The following NQO1 variants were observed in gnomAD, a reference collection of about 807,000 sequenced individuals.
The protein encoded by NQO1 is NAD(P)H dehydrogenase [quinone] 1.
NQO1 carries 30 observed loss-of-function variants against 32.1 expected under a neutral mutation model. The observed-to-expected ratio is 0.94, with a 90% CI of 0.70 to 1.27. The LOEUF (loss-of-function observed/expected upper bound fraction) is 1.27. Ranked by LOEUF, NQO1 falls within the 50% of genes most tolerant of loss-of-function variation. NQO1 has a pLI of 0.00. For missense variants in NQO1, 276 were observed against 331.3 expected (o/e 0.83, Z 1.30); for synonymous variants, 109 against 119.7 (o/e 0.91, Z 0.59).
At chr16:69,713,685 C>G (rs1366271102) in intron 4 of NQO1, among the ~76,000 whole-genome samples, 2 of 151,640 alleles carry the variant, frequency 1.3e-5, no homozygotes, top group Non-Finnish European at 2.9e-5. Flanking sequence ...TTCTCTGGAG[C>G]GTTTTATTTT....
chr16:69,722,848 C>G (rs1423926666), intron 1 of NQO1, among the ~76,000 whole-genome samples: 2 of 152,212 alleles, frequency 1.3e-5, no homozygotes, highest in Non-Finnish European at 2.9e-5. Flanking sequence ...TGAGCATATT[C>G]AGCTCTAACA....
intron 4 of NQO1, 93 bp downstream of exon 4, chr16:69,714,871 C>G (rs751174647): frequency 1.2e-6 from 1 of 869,304 alleles, no homozygotes; most frequent in Non-Finnish European, 1.9e-6. Flanking sequence ...AAGAGGGAAG[C>G]TCCATCTCAA....
In NQO1 at chr16:69,710,957, A is replaced by G. The variant is rs777630346; in HGVS notation, c.*19T>C. The stretch of plus-strand genomic sequence containing the variant: ...CCAGATTTGATAACATGTTAGAAGG[A>G]AATCCAGGCTAAGGAATCTCATTTT... On this transcript the variant is annotated 3_prime_UTR_variant, in exon 6 of 6. Transcript: ENST00000320623. 1 of 1,596,756 alleles carries G rather than the reference A, an allele frequency of 6.3e-7. No individual in the cohort carries two copies. Among genetic ancestry groups the G allele is most frequent in the Non-Finnish European group, 8.5e-7 (1 of 1,170,988 alleles).
chr16:69,718,226 T>TGAAA lies in NQO1; in HGVS notation c.196_199dup (p.Gln67LeufsTer12). 1 of 1,614,072 alleles carries TGAAA rather than the reference T, an allele frequency of 6.2e-7. No individual in the cohort carries two copies. On this transcript the variant is annotated frameshift_variant, in exon 3 of 6. Transcript: ENST00000320623. LOFTEE classifies it high-confidence loss of function. ...AGCCAGAACAGACTCGGCAGGATACTGAAAGTTCGCAGGGTCCTTCAGTTT... is the reference window on the plus strand; with the variant it reads ...AGCCAGAACAGACTCGGCAGGATACTGAAAGAAAGTTCGCAGGGTCCTTCAGTTT...
chr16:69,713,362 G>A (rs2038066786), intron 4 of NQO1, among the ~76,000 whole-genome samples: 1 of 152,200 alleles, frequency 6.6e-6, no homozygotes, highest in South Asian at 2.1e-4. Flanking sequence ...ACCCCCACAT[G>A]TGGCTTAGGA....
In NQO1 at chr16:69,723,619, G is replaced by A. The variant is rs551347472; in HGVS notation, c.7+2814C>T. ...TAGAGACCAGCCTGGTTAACATGGTGAAACCCCGTCTCTACTAAAAATACA... is the reference window on the plus strand; with the variant it reads ...TAGAGACCAGCCTGGTTAACATGGTAAAACCCCGTCTCTACTAAAAATACA... On this transcript the variant is annotated intron_variant, in intron 1 of 5. Transcript: ENST00000320623. Among the ~76,000 whole-genome samples, 536 of 151,892 alleles carry A rather than the reference G, an allele frequency of 3.5e-3. 3 individuals carry two copies. Among genetic ancestry groups the A allele is most frequent in the African/African-American group, 0.012 (494 of 41,430 alleles).
Position 69,711,065 on chromosome 16 carries a change from C to G in NQO1, c.736G>C (p.Glu246Gln). The change falls in exon 6 of 6, where the codon GAG becomes CAG. Residue 246 changes from glutamate (E) to glutamine (Q), a missense_variant. Glu to Gln is a conservative substitution (Grantham distance 29). Coordinates refer to ENST00000320623, the MANE Select transcript of NQO1 (RefSeq NM_000903.3). ...GFLMKKEVQDEEKNKKFGLSV... is the reference protein window; with the variant it reads ...GFLMKKEVQDQEKNKKFGLSV... ...AGGCCAAATTTCTTGTTTTTCTCCT[C>G]ATCCTGTACCTCTTTTTTCATTAAG... 6.2e-7 allele frequency: 1 copy of G among 1,614,204 alleles called. No homozygotes were observed. The highest frequency in any genetic ancestry group is 1.3e-5 in the African/African-American group (1 of 75,060).
chr16:69,710,712 TTAAAG>T lies in NQO1; in HGVS notation c.*259_*263del. 1 of 396,846 alleles carries T rather than the reference TTAAAG, an allele frequency of 2.5e-6. No homozygotes were observed. The allele number at this position is 396,846 out of a possible 1,614,324, so 24.6% of individuals were successfully genotyped here. The stretch of plus-strand genomic sequence containing the variant: ...GAGGAATTAAATTGTGTAGATGCCT[TTAAAG>T]AACATTTTTCTAGCATCTTTCTACA... On this transcript the variant is annotated 3_prime_UTR_variant, in exon 6 of 6. Transcript: ENST00000320623.
At chr16:69,714,812 G>A (rs2038090971) in intron 4 of NQO1, 152 bp downstream of exon 4, 8 of 565,318 alleles carry the variant, frequency 1.4e-5, no homozygotes, top group South Asian at 8.7e-5. Flanking sequence ...TCAGGAGGTG[G>A]AGGTTGCAGT....
intron 1 of NQO1, among the ~76,000 whole-genome samples, chr16:69,720,668 T>G (rs981208834): frequency 1.3e-5 from 2 of 151,554 alleles, no homozygotes; most frequent in Non-Finnish European, 2.9e-5. Context: ...GTAGCTAGGA[T>G]TACAGGTGTG....
intron 4 of NQO1, among the ~76,000 whole-genome samples, chr16:69,713,904 C>T (rs2038076451): frequency 2.2e-5 from 2 of 90,082 alleles, no homozygotes; most frequent in South Asian, 4.6e-4. Context: ...GATATGGAGG[C>T]TCGCTCTGTC....
In NQO1 at chr16:69,726,476, T is replaced by C; in HGVS notation, c.-37A>G. The stretch of plus-strand genomic sequence containing the variant: ...AGTCCGGGGCGCTGATTGGCTGGGC[T>C]CGTGGTTGCCGGGGCGACCCTGGCC... On this transcript the variant is annotated 5_prime_UTR_variant, in exon 1 of 6. Transcript: ENST00000320623. 2 of 1,604,990 alleles carry C rather than the reference T, an allele frequency of 1.2e-6. No individual in the cohort carries two copies. Among genetic ancestry groups the C allele is most frequent in the Non-Finnish European group, 1.7e-6 (2 of 1,177,982 alleles).
intron 1 of NQO1, 35 bp downstream of exon 1, chr16:69,726,398 C>T (rs779541072): frequency 1.2e-6 from 2 of 1,610,768 alleles, no homozygotes; most frequent in African/African-American, 2.7e-5. Flanking sequence ...GCTCGAGAGA[C>T]GACCGCCAAG....
chr16:69,723,592 G>GT (rs1475814023), intron 1 of NQO1, among the ~76,000 whole-genome samples: 2 of 151,992 alleles, frequency 1.3e-5, no homozygotes, highest in African/African-American at 2.4e-5. Flanking sequence ...CATGTCAGGA[G>GT]TTAGAGACCA....
chr16:69,715,000 G>A lies in NQO1; in HGVS notation c.381C>T (p.Tyr127=), dbSNP rs1051370710. ...FERVFIGEFA[Y]TYAAMYDKGP... is the part of the protein sequence containing the mutation. ...CTTTGTCATACATGGCAGCGTAAGT[G>A]TAAGCAAACTCTCCTATGAACACTC... The change falls in exon 4 of 6, where the codon TAC becomes TAT. Residue 127 remains tyrosine (Y), a synonymous_variant. Transcript: ENST00000320623. The A allele has an allele frequency of 6.2e-7, 1 of 1,613,798 alleles. No homozygotes were observed. Among genetic ancestry groups the A allele is most frequent in the South Asian group, 1.1e-5 (1 of 91,066 alleles).
chr16:69,720,832 A>G (rs2038179273), intron 1 of NQO1, among the ~76,000 whole-genome samples: 2 of 151,996 alleles, frequency 1.3e-5, no homozygotes, highest in African/African-American at 2.4e-5. Context: ...AACAGTATTT[A>G]GTGGATCCTT....
intron 1 of NQO1, among the ~76,000 whole-genome samples, chr16:69,721,785 G>A (rs1042179718): frequency 2.0e-5 from 3 of 147,718 alleles, no homozygotes; most frequent in African/African-American, 7.5e-5. Context: ...CTTGAGCCCA[G>A]GAGTTTGAGA....
chr16:69,714,530 C>G (rs867006402), intron 4 of NQO1, among the ~76,000 whole-genome samples: 8 of 151,850 alleles, frequency 5.3e-5, no homozygotes, highest in African/African-American at 1.9e-4. Context: ...AAAACTTGAT[C>G]ATGCGTCTCT....
rs761092662 is a variant in NQO1, at chr16:69,726,417, C to G, written c.7+16G>C. ...GAGAGACGACCGCCAAGCACCCCGCCCTTTGCAGCACTCACCGACCATGGC... is the reference window on the plus strand; with the variant it reads ...GAGAGACGACCGCCAAGCACCCCGCGCTTTGCAGCACTCACCGACCATGGC... On this transcript the variant is annotated intron_variant, in intron 1 of 5. Coordinates refer to ENST00000320623, the MANE Select transcript of NQO1 (RefSeq NM_000903.3). The G allele has an allele frequency of 1.2e-5, 19 of 1,611,904 alleles. No homozygotes were observed. Among genetic ancestry groups the G allele is most frequent in the Non-Finnish European group, 1.5e-5 (18 of 1,179,316 alleles).
Sources: gnomAD v4.1 joint callset for allele counts (sites outside exome capture counted in the v4.1 genomes callset) on GRCh38, gnomAD v4.1.1 for gene constraint, MANE v1.5 for transcripts, NCBI Gene and HGNC (gene_info 2026-07-23, HGNC 2026-07-21) for gene names.